ETS1: variants seen among roughly 807,000 people sequenced by gnomAD.
ETS1 encodes the protein protein C-ets-1.
ETS1 carries 15 observed loss-of-function variants against 58.6 expected under a neutral mutation model. That is an observed-to-expected ratio of 0.26 (90% CI 0.17 to 0.39). ETS1 has a LOEUF of 0.39. Ranked by LOEUF, ETS1 falls within the 10% of genes least tolerant of loss-of-function variation. ETS1 has a pLI of 1.00. For missense variants in ETS1, 417 were observed against 610.5 expected (o/e 0.68, Z 3.34); for synonymous variants, 214 against 218.2 (o/e 0.98, Z 0.17).
chr11:128,491,629 C>T (rs534556049), intron 3 of ETS1, among the ~76,000 whole-genome samples: 2 of 152,276 alleles, frequency 1.3e-5, no homozygotes, highest in African/African-American at 4.8e-5. Context: ...TCACCTTATC[C>T]GTTCTGTAAA....
At chr11:128,567,796 C>G (rs1864535743) in intron 2 of ETS1, among the ~76,000 whole-genome samples, 1 of 152,098 alleles carries the variant, frequency 6.6e-6, no homozygotes, top group South Asian at 2.1e-4. Flanking sequence ...CCACACCCGG[C>G]TAATTTTTTG....
At chr11:128,505,789 G>A (rs977280352) in intron 3 of ETS1, among the ~76,000 whole-genome samples, 1 of 152,210 alleles carries the variant, frequency 6.6e-6, no homozygotes, top group African/African-American at 2.4e-5. Context: ...ACTGGGATGT[G>A]CAGCCCTCAT....
chr11:128,517,716 A>T (rs773303872), intron 3 of ETS1, among the ~76,000 whole-genome samples: 3 of 152,068 alleles, frequency 2.0e-5, no homozygotes, highest in Admixed American at 2.0e-4. Flanking sequence ...TCTCCTGAAA[A>T]ATCCTGACCT....
intron 8 of ETS1, among the ~76,000 whole-genome samples, chr11:128,468,379 G>C (rs1862095814): frequency 6.6e-6 from 1 of 152,168 alleles, no homozygotes; most frequent in African/African-American, 2.4e-5. Flanking sequence ...TACATATATA[G>C]CAATGGGCTA....
In ETS1 at chr11:128,478,055, C is replaced by T. The variant is rs115356502; in HGVS notation, c.1123+2136G>A. 6.0e-3 allele frequency among the ~76,000 whole-genome samples: 907 copies of T among 152,206 alleles called. 12 individuals carry two copies. Among genetic ancestry groups the T allele is most frequent in the African/African-American group, 0.021 (861 of 41,530 alleles). On this transcript the variant is annotated intron_variant, in intron 8 of 9. Coordinates refer to ENST00000392668, the MANE Select transcript of ETS1 (RefSeq NM_001143820.2). Reference sequence around the variant, plus strand: ...CTTCTGTTTTCTGGACTATTATTCTCGCCATCACATGAGATAGTATGAAAA... The same window carrying T: ...CTTCTGTTTTCTGGACTATTATTCTTGCCATCACATGAGATAGTATGAAAA...
intron 3 of ETS1, among the ~76,000 whole-genome samples, chr11:128,551,096 T>G (rs1864221403): frequency 6.6e-6 from 1 of 151,454 alleles, no homozygotes; most frequent in Non-Finnish European, 1.5e-5. Context: ...ACACACCCTT[T>G]AGAAAAGAAA....
chr11:128,513,533 C>T (rs114722065), intron 3 of ETS1, among the ~76,000 whole-genome samples: 193 of 152,286 alleles, frequency 1.3e-3, no homozygotes, highest in African/African-American at 4.2e-3. Flanking sequence ...GGAACAAATA[C>T]GGTAAGGTCT....
At chr11:128,480,501 G>GAAA in intron 7 of ETS1, 50 bp from the exon 8 acceptor site, 16 of 1,060,600 alleles carry the variant, frequency 1.5e-5, no homozygotes, top group South Asian at 2.9e-5. Flanking sequence ...GAGGGAGTGG[G>GAAA]AAAAAAAAAA....
At chr11:128,511,108 T>C (rs150346617) in intron 3 of ETS1, among the ~76,000 whole-genome samples, 6 of 152,300 alleles carry the variant, frequency 3.9e-5, no homozygotes, top group African/African-American at 1.4e-4. Context: ...TTCCACAACA[T>C]GCAGCTTAAG....
intron 1 of ETS1, among the ~76,000 whole-genome samples, chr11:128,586,787 G>T (rs994520332): frequency 6.6e-6 from 1 of 152,124 alleles, no homozygotes; most frequent in Non-Finnish European, 1.5e-5. Context: ...AAAGTGTCAC[G>T]GCCAGATAAA....
chr11:128,577,124 T>C (rs1434425637), intron 1 of ETS1, among the ~76,000 whole-genome samples: 1 of 152,180 alleles, frequency 6.6e-6, no homozygotes, highest in Non-Finnish European at 1.5e-5. Context: ...TGGAAACTCA[T>C]TGTTTTTTTA....
At chr11:128,570,808 C>T (rs1864611223) in intron 2 of ETS1, among the ~76,000 whole-genome samples, 1 of 152,168 alleles carries the variant, frequency 6.6e-6, no homozygotes, top group Admixed American at 6.5e-5. Context: ...TTCTTCAGCC[C>T]TCGATATGAT....
intron 2 of ETS1, among the ~76,000 whole-genome samples, chr11:128,560,612 T>TGCATG (rs771361148): frequency 2.5e-4 from 38 of 152,256 alleles, no homozygotes; most frequent in Non-Finnish European, 3.4e-4. Context: ...ACATGCAGCT[T>TGCATG]GCATGGCTTA....
At chr11:128,544,340 A>T (rs1014413054) in intron 3 of ETS1, among the ~76,000 whole-genome samples, 25 of 117,088 alleles carry the variant, frequency 2.1e-4, no homozygotes, top group Non-Finnish European at 4.0e-4. Context: ...ATTGTTTACT[A>T]ATATATATAT....
At chr11:128,479,382 C>T (rs1862419691) in intron 8 of ETS1, among the ~76,000 whole-genome samples, 1 of 152,232 alleles carries the variant, frequency 6.6e-6, no homozygotes, top group African/African-American at 2.4e-5. Flanking sequence ...TTAGAAAACA[C>T]TACAATCTTA....
chr11:128,477,307 G>A (rs1862348439), intron 8 of ETS1, among the ~76,000 whole-genome samples: 1 of 152,242 alleles, frequency 6.6e-6, no homozygotes, highest in South Asian at 2.1e-4. Flanking sequence ...CAGAACCTGA[G>A]AAGGTGAGTG....
chr11:128,522,417 C>A (rs1281883143), intron 3 of ETS1: 3 of 921,824 alleles, frequency 3.3e-6, no homozygotes, highest in African/African-American at 1.8e-5. Context: ...CTGGGCCGGG[C>A]GATGTCCGCT....
At chr11:128,493,679 C>G in intron 3 of ETS1, among the ~76,000 whole-genome samples, 1 of 152,182 alleles carries the variant, frequency 6.6e-6, no homozygotes, top group East Asian at 1.9e-4. Flanking sequence ...AGAACTTTAT[C>G]CTATAAAGTG....
chr11:128,573,699 G>A (rs1334117264), intron 1 of ETS1, among the ~76,000 whole-genome samples: 2 of 152,104 alleles, frequency 1.3e-5, no homozygotes, highest in Non-Finnish European at 2.9e-5. Context: ...AAGGAGAAGG[G>A]CTATTAAATA....
Sources: gnomAD v4.1 joint callset for allele counts (sites outside exome capture counted in the v4.1 genomes callset) on GRCh38, gnomAD v4.1.1 for gene constraint, MANE v1.5 for transcripts, NCBI Gene and HGNC (gene_info 2026-07-23, HGNC 2026-07-21) for gene names.